Variants in SND1 observed in about 807,000 individuals in gnomAD.
SND1 encodes the protein staphylococcal nuclease domain-containing protein 1.
SND1 carries 38 observed loss-of-function variants against 121.7 expected under a neutral mutation model. The observed-to-expected ratio is 0.31, with a 90% confidence interval of 0.24 to 0.41. The LOEUF is 0.41. SND1 is among the 10% of genes least tolerant of loss of function. The pLI is 1.00. For missense variants in SND1, 868 were observed against 1,184.6 expected (o/e 0.73, Z 3.92); for synonymous variants, 401 against 447.4 (o/e 0.90, Z 1.31).
chr7:128,013,109 C>G (rs555931583), intron 16 of SND1, among the ~76,000 whole-genome samples: 1 of 152,272 alleles, frequency 6.6e-6, no homozygotes, highest in East Asian at 1.9e-4. Context: ...ATCCAGACTC[C>G]AAATGAGGGG....
chr7:127,690,528 G>A (rs1290126043), intron 2 of SND1, among the ~76,000 whole-genome samples: 1 of 152,176 alleles, frequency 6.6e-6, no homozygotes, highest in East Asian at 1.9e-4. Context: ...CCATCTTGGT[G>A]CTGTCATAGC....
Position 128,085,349 on chromosome 7 carries a change from T to C in SND1, c.2235-362T>C, listed in dbSNP as rs953077030. On this transcript the variant is annotated intron_variant, in intron 19 of 23. Coordinates refer to ENST00000354725, the MANE Select transcript of SND1 (RefSeq NM_014390.4). The surrounding 1 kb of genome is among the most constrained non-coding windows in gnomAD (Gnocchi z 4.4). ...CCAGGGTGACGAAGTGACTTGGATA[T>C]GTTCCCTGCTGCGGCCTCCCAGGCA... is the stretch of plus-strand genomic sequence containing the variant. 6.6e-6 allele frequency among the ~76,000 whole-genome samples: 1 copy of C among 152,198 alleles called. No individual in the cohort carries two copies. Among genetic ancestry groups the C allele is most frequent in the Non-Finnish European group, 1.5e-5 (1 of 68,010 alleles).
intron 17 of SND1, among the ~76,000 whole-genome samples, chr7:128,080,971 G>A (rs1447974842): frequency 6.6e-6 from 1 of 151,278 alleles, no homozygotes; most frequent in Admixed American, 6.6e-5. Flanking sequence ...GATCCCATTT[G>A]CCCAAAACCC....
At position 127,664,515 on chromosome 7, in the gene SND1, C is replaced by A. The variant is rs73450921; in HGVS notation, c.78+12064C>A. Reference sequence around the variant, plus strand: ...GAGGGCATGGAGGCTGTGCACTCCACCCCCCATATATTACCTTATGTATCT... The same window carrying A: ...GAGGGCATGGAGGCTGTGCACTCCAACCCCCATATATTACCTTATGTATCT... On this transcript the variant is annotated intron_variant, in intron 1 of 23. Transcript: ENST00000354725. Among the ~76,000 whole-genome samples, 278 of 152,276 alleles carry A rather than the reference C, an allele frequency of 1.8e-3. 1 individual carries two copies. The highest frequency in any genetic ancestry group is 5.9e-3 in the African/African-American group (244 of 41,548).
intron 16 of SND1, among the ~76,000 whole-genome samples, chr7:128,018,510 G>A (rs1210024243): frequency 2.0e-5 from 3 of 152,210 alleles, no homozygotes; most frequent in African/African-American, 7.2e-5. Flanking sequence ...TATTTGAAGA[G>A]GTTTGGGGGG....
At chr7:127,840,615 A>C (rs367884923) in intron 11 of SND1, among the ~76,000 whole-genome samples, 3 of 152,232 alleles carry the variant, frequency 2.0e-5, no homozygotes, top group Non-Finnish European at 4.4e-5. Context: ...TAAGATTTAC[A>C]CTGGTTTTAA....
chr7:127,689,152 C>T (rs1327959661), intron 2 of SND1, among the ~76,000 whole-genome samples: 1 of 152,164 alleles, frequency 6.6e-6, no homozygotes, highest in Non-Finnish European at 1.5e-5. Context: ...AACAAGATAA[C>T]ATGAAGTGCT....
chr7:127,706,874 A>G (rs1196804115), intron 8 of SND1, among the ~76,000 whole-genome samples: 1 of 152,178 alleles, frequency 6.6e-6, no homozygotes, highest in Non-Finnish European at 1.5e-5. Flanking sequence ...AGATTGCAAT[A>G]CTGTTTTCAG....
chr7:127,812,869 G>A (rs1798358872), intron 11 of SND1, among the ~76,000 whole-genome samples: 1 of 152,160 alleles, frequency 6.6e-6, no homozygotes, highest in South Asian at 2.1e-4. Flanking sequence ...GGATTCTGGG[G>A]ATTCTTGTTC....
rs879744852 is a variant in SND1 at position 128,085,187 on chromosome 7, G to T, written c.2234+340G>T. 3.9e-5 allele frequency among the ~76,000 whole-genome samples: 6 copies of T among 152,116 alleles called. No individual in the cohort carries two copies. The highest frequency in any genetic ancestry group is 1.3e-4 in the Admixed American group (2 of 15,286). ...AAGAATGATGTTACAGGGGGCTGAGGTAGAGGCTGGGCTACAGTAAGCCTA... is the reference window on the plus strand; with the variant it reads ...AAGAATGATGTTACAGGGGGCTGAGTTAGAGGCTGGGCTACAGTAAGCCTA... On this transcript the variant is annotated intron_variant, in intron 19 of 23. Coordinates refer to ENST00000354725, the MANE Select transcript of SND1 (RefSeq NM_014390.4). The surrounding 1 kb of genome is among the most constrained non-coding windows in gnomAD (Gnocchi z 4.4).
chr7:128,073,428 T>G (rs749345422), intron 16 of SND1, among the ~76,000 whole-genome samples: 1 of 152,146 alleles, frequency 6.6e-6, no homozygotes, highest in Non-Finnish European at 1.5e-5. Flanking sequence ...GGGTCCTGCC[T>G]CTCGGGCCCT....
At chr7:128,090,633 TTCC>T (rs1472542301) in intron 22 of SND1, among the ~76,000 whole-genome samples, 3 of 152,038 alleles carry the variant, frequency 2.0e-5, no homozygotes, top group African/African-American at 7.2e-5. Flanking sequence ...ACCAAACACT[TTCC>T]TCCTCTTCAT....
intron 10 of SND1, among the ~76,000 whole-genome samples, chr7:127,741,931 C>T (rs1474863776): frequency 1.3e-5 from 2 of 152,090 alleles, no homozygotes; most frequent in East Asian, 3.9e-4. Context: ...ACATTGTTCT[C>T]AATTGTTCTC....
intron 16 of SND1, among the ~76,000 whole-genome samples, chr7:128,047,667 G>A (rs185599164): frequency 1.3e-5 from 2 of 152,312 alleles, no homozygotes; most frequent in Non-Finnish European, 2.9e-5. Flanking sequence ...GACATAATCA[G>A]AGTTGAGAGA....
At chr7:127,840,488 A>C (rs929669027) in intron 11 of SND1, among the ~76,000 whole-genome samples, 2 of 152,316 alleles carry the variant, frequency 1.3e-5, no homozygotes, top group African/African-American at 4.8e-5. Flanking sequence ...CATTTCAGGA[A>C]TATCTTAAAA....
In SND1 at chr7:128,092,054, G is replaced by A. The variant is rs766831077; in HGVS notation, c.2729G>A (p.Arg910His). The change falls in exon 24 of 24, where the codon CGC becomes CAC. Residue 910 changes from arginine to histidine, a missense_variant. Arg to His is a conservative substitution (Grantham distance 29). Around this residue, in one of 2 missense-constraint regions of SND1, gnomAD observed 743 missense variants for 1,071.3 expected, o/e 0.69. Coordinates refer to ENST00000354725, the MANE Select transcript of SND1 (RefSeq NM_014390.4). This position sits in a 1 kb window ranked among gnomAD's most constrained non-coding sequence, Gnocchi z 4.9. ...GATGCAGACGAATTTGGCTACAGCCGCTAAGGAGGGGATCGGGTTTGGCCC... is the reference window on the plus strand; with the variant it reads ...GATGCAGACGAATTTGGCTACAGCCACTAAGGAGGGGATCGGGTTTGGCCC... ...ADDADEFGYSR is the reference protein window; with the variant it reads ...ADDADEFGYSH 9 of 1,614,042 alleles carry A rather than the reference G, an allele frequency of 5.6e-6. No individual in the cohort carries two copies. Among genetic ancestry groups the A allele is most frequent in the South Asian group, 4.4e-5 (4 of 91,088 alleles).
At chr7:127,670,355 C>G (rs1340578077) in intron 1 of SND1, among the ~76,000 whole-genome samples, 1 of 151,998 alleles carries the variant, frequency 6.6e-6, no homozygotes, top group Non-Finnish European at 1.5e-5. Context: ...TTGGCTCAAG[C>G]CATCCTCCTA....
intron 11 of SND1, among the ~76,000 whole-genome samples, chr7:127,810,064 T>A (rs1798305931): frequency 6.6e-6 from 1 of 152,216 alleles, no homozygotes; most frequent in African/African-American, 2.4e-5. Flanking sequence ...CTTAATACTG[T>A]TTTTATATAG....
rs1183476790 is a variant in SND1, at chr7:127,694,911, C to T, written c.312C>T (p.Pro104=). 1 of 1,613,792 alleles carries T rather than the reference C, an allele frequency of 6.2e-7. No individual in the cohort carries two copies. Among genetic ancestry groups the T allele is most frequent in the Admixed American group, 1.7e-5 (1 of 59,990 alleles). The part of the protein sequence containing the change: ...EVCFTIENKT[P]QGREYGMIYL... ...GTTTCACGATAGAAAACAAGACTCC[C>T]CAGGGGCGAGAGTATGGCATGATCT... Residue 104 remains proline (P), a synonymous_variant, in exon 3 of 24, where the codon CCC becomes CCT. Transcript: ENST00000354725.
Sources: gnomAD v4.1 joint callset for allele counts (sites outside exome capture counted in the v4.1 genomes callset) on GRCh38, gnomAD v4.1.1 for gene constraint, gnomAD v4.1.1 regional missense constraint, Gnocchi (gnomAD v3.1) non-coding constraint, MANE v1.5 for transcripts, NCBI Gene and HGNC (gene_info 2026-07-23, HGNC 2026-07-21) for gene names.